The following BMPR1B variants were observed in gnomAD, a reference collection of about 807,000 sequenced individuals.
The protein encoded by BMPR1B is bone morphogenetic protein receptor type-1B.
BMPR1B carries 12 observed loss-of-function variants against 59.1 expected under a neutral mutation model. That is an observed-to-expected ratio of 0.20 (90% confidence interval 0.13 to 0.33). The LOEUF is 0.33. Ranked by LOEUF, BMPR1B falls within the 10% of genes least tolerant of loss-of-function variation. BMPR1B has a pLI of 1.00. For missense variants in BMPR1B, 550 were observed against 610.9 expected, an observed-to-expected ratio of 0.90 and a Z score of 1.05; for synonymous variants, 237 against 207.3, an observed-to-expected ratio of 1.14 and a Z score of -1.23.
chr4:94,943,749 A>T (rs923062204), intron 2 of BMPR1B, among the ~76,000 whole-genome samples: 1 of 152,238 alleles, frequency 6.6e-6, no homozygotes, highest in Admixed American at 6.5e-5. Flanking sequence ...GCTCAAGATT[A>T]AACAACTAGT....
At chr4:94,986,688 A>T (rs1178724880) in intron 2 of BMPR1B, among the ~76,000 whole-genome samples, 1 of 150,928 alleles carries the variant, frequency 6.6e-6, no homozygotes, top group Non-Finnish European at 1.5e-5. Context: ...CATTTTTTAC[A>T]AAGATTAGTT....
At chr4:95,124,820 G>A (rs748817561) in intron 7 of BMPR1B, among the ~76,000 whole-genome samples, 163 bp from the exon 8 acceptor site, 1 of 152,058 alleles carries the variant, frequency 6.6e-6, no homozygotes, top group Non-Finnish European at 1.5e-5. Flanking sequence ...ACAGTAATGA[G>A]TTTTACTTGG....
At chr4:94,898,635 A>G (rs1439398679) in intron 2 of BMPR1B, among the ~76,000 whole-genome samples, 1 of 152,062 alleles carries the variant, frequency 6.6e-6, no homozygotes, top group African/African-American at 2.4e-5. Flanking sequence ...CTGTGAGTCA[A>G]TTAAACTCTT....
At chr4:94,769,082 A>T (rs1722075582) in intron 1 of BMPR1B, among the ~76,000 whole-genome samples, 2 of 152,192 alleles carry the variant, frequency 1.3e-5, no homozygotes, top group South Asian at 4.1e-4. Flanking sequence ...ACATACTTGC[A>T]TGCACCCTGA....
At chr4:95,130,417 T>C (rs1421857588) in intron 9 of BMPR1B, among the ~76,000 whole-genome samples, 1 of 152,220 alleles carries the variant, frequency 6.6e-6, no homozygotes, top group African/African-American at 2.4e-5. Flanking sequence ...GGTTTATTTA[T>C]ATCAATAGTT....
chr4:94,862,307 G>T (rs1726017370), intron 1 of BMPR1B, among the ~76,000 whole-genome samples: 1 of 151,522 alleles, frequency 6.6e-6, no homozygotes, highest in Admixed American at 6.6e-5. Flanking sequence ...GCGCCACCAT[G>T]CCCGGCTAAT....
At chr4:94,870,233 C>T (rs779760656) in intron 1 of BMPR1B, among the ~76,000 whole-genome samples, 5 of 152,138 alleles carry the variant, frequency 3.3e-5, no homozygotes, top group Non-Finnish European at 7.4e-5. Flanking sequence ...TTTTCTTGCA[C>T]TAAACTTGGA....
At chr4:94,985,313 T>G (rs1721328944) in intron 2 of BMPR1B, among the ~76,000 whole-genome samples, 1 of 152,004 alleles carries the variant, frequency 6.6e-6, no homozygotes, top group South Asian at 2.1e-4. Flanking sequence ...AGATAAAAGC[T>G]AAGTCTGAAT....
At chr4:94,882,611 T>G (rs1216472434) in intron 2 of BMPR1B, among the ~76,000 whole-genome samples, 1 of 152,164 alleles carries the variant, frequency 6.6e-6, no homozygotes, top group Non-Finnish European at 1.5e-5. Flanking sequence ...ATCAGAGACT[T>G]TACTTACCTG....
At chr4:94,763,104 A>G (rs765254603) in intron 1 of BMPR1B, among the ~76,000 whole-genome samples, 6 of 152,122 alleles carry the variant, frequency 3.9e-5, no homozygotes, top group Non-Finnish European at 8.8e-5. Flanking sequence ...TGATTCCTGG[A>G]CTACACTGAG....
At chr4:95,040,172 A>G (rs1157344232) in intron 3 of BMPR1B, among the ~76,000 whole-genome samples, 1 of 152,122 alleles carries the variant, frequency 6.6e-6, no homozygotes, top group Non-Finnish European at 1.5e-5. Context: ...CTTCTAAGAC[A>G]CTTTTTTCAT....
intron 1 of BMPR1B, among the ~76,000 whole-genome samples, chr4:94,770,291 T>G (rs1722138867): frequency 6.6e-6 from 1 of 151,724 alleles, no homozygotes; most frequent in Non-Finnish European, 1.5e-5. Flanking sequence ...ATGTAGTATT[T>G]CAAGTAAAGA....
chr4:94,808,061 G>A (rs542573245), intron 1 of BMPR1B, among the ~76,000 whole-genome samples: 1 of 152,226 alleles, frequency 6.6e-6, no homozygotes, highest in South Asian at 2.1e-4. Context: ...TTTATAAATT[G>A]TAAATCTCTA....
intron 2 of BMPR1B, among the ~76,000 whole-genome samples, chr4:94,945,409 A>C (rs1381037344): frequency 6.6e-6 from 1 of 152,188 alleles, no homozygotes; most frequent in African/African-American, 2.4e-5. Flanking sequence ...TGGATTATTT[A>C]GGTGTCAGAG....
At chr4:94,946,530 G>C (rs1729715300) in intron 2 of BMPR1B, among the ~76,000 whole-genome samples, 1 of 152,126 alleles carries the variant, frequency 6.6e-6, no homozygotes, top group Non-Finnish European at 1.5e-5. Flanking sequence ...GATCAGATTT[G>C]AAATAAGCTA....
intron 2 of BMPR1B, among the ~76,000 whole-genome samples, chr4:94,968,054 T>C (rs1381829994): frequency 6.6e-6 from 1 of 152,210 alleles, no homozygotes; most frequent in African/African-American, 2.4e-5. Flanking sequence ...TTACACAATA[T>C]AAACTATGCT....
intron 2 of BMPR1B, among the ~76,000 whole-genome samples, chr4:94,942,937 T>C (rs1360439379): frequency 6.6e-6 from 1 of 152,154 alleles, no homozygotes; most frequent in Admixed American, 6.5e-5. Context: ...TATTGTAGAG[T>C]TGCTTATTCA....
intron 1 of BMPR1B, among the ~76,000 whole-genome samples, chr4:94,768,872 C>T (rs1386975397): frequency 2.0e-5 from 3 of 152,028 alleles, no homozygotes; most frequent in Admixed American, 6.6e-5. Context: ...CTAAAAATGG[C>T]ACAGACATGT....
chr4:94,848,838 T>C (rs1183449529), intron 1 of BMPR1B, among the ~76,000 whole-genome samples: 1 of 152,060 alleles, frequency 6.6e-6, no homozygotes, highest in Admixed American at 6.6e-5. Context: ...ATAGAAAGGA[T>C]TTTATTTAGA....
Sources: allele counts gnomAD v4.1 joint callset (sites outside exome capture counted in the v4.1 genomes callset), GRCh38; gene constraint gnomAD v4.1.1; transcripts MANE v1.5; gene names NCBI Gene and HGNC (gene_info 2026-07-23, HGNC 2026-07-21).